CAST: variants seen among roughly 807,000 people sequenced by gnomAD.
CAST encodes calpastatin.
Under a neutral mutation model 119.6 loss-of-function variants are expected in CAST, and 76 were observed. That is an observed-to-expected ratio of 0.64 (90% CI 0.53 to 0.77). CAST has a LOEUF of 0.77. Among genes scored for constraint, CAST ranks in the 30% least tolerant of loss-of-function variants. The pLI is 0.00. For synonymous variants in CAST, 319 were observed against 331.6 expected (o/e 0.96, Z 0.41); for missense variants, 953 against 946.5 (o/e 1.01, Z -0.09).
At chr5:96,539,711 A>G (rs1745879600) in intron 1 of CAST, among the ~76,000 whole-genome samples, 1 of 152,164 alleles carries the variant, frequency 6.6e-6, no homozygotes, top group African/African-American at 2.4e-5. Context: ...TGTATCAATA[A>G]TAAATAAATA....
chr5:96,314,756 C>T, the CAST span, among the ~76,000 whole-genome samples: 1 of 152,158 alleles, frequency 6.6e-6, no homozygotes. Flanking sequence ...TCTGTGATAA[C>T]CTGTTCACAT....
chr5:96,474,856 G>A, the CAST span, among the ~76,000 whole-genome samples: 1 of 152,184 alleles, frequency 6.6e-6, no homozygotes, highest in East Asian at 1.9e-4. Context: ...TTTGAATAAT[G>A]AGATGGTGTC....
chr5:96,446,715 A>C, the CAST span, among the ~76,000 whole-genome samples: 1 of 152,218 alleles, frequency 6.6e-6, no homozygotes, highest in African/African-American at 2.4e-5. Flanking sequence ...GCCCAAAGGA[A>C]GTCAGGCATA....
chr5:96,753,984 CT>C (rs1423606672), intron 20 of CAST, 75 bp from the exon 21 acceptor site: 82 of 819,854 alleles, frequency 1.0e-4, no homozygotes, highest in Non-Finnish European at 1.6e-4. Flanking sequence ...AATGATATGC[CT>C]TTCTGAATTG....
intron 20 of CAST, among the ~76,000 whole-genome samples, chr5:96,753,059 T>C (rs1765492360): frequency 6.6e-6 from 1 of 151,818 alleles, no homozygotes; most frequent in African/African-American, 2.4e-5. Flanking sequence ...AATGGCATGA[T>C]CTCGGCTCAC....
chr5:96,274,918 C>A, the CAST span, among the ~76,000 whole-genome samples: 2,446 of 152,294 alleles, frequency 0.016, 74 homozygotes, highest in African/African-American at 0.057. Flanking sequence ...ACCTCCAGAT[C>A]TGCTTGCCTA....
At position 96,736,170 on chromosome 5, in the gene CAST, A is replaced by C. The variant is rs1180377034; in HGVS notation, c.631-2A>C. 4.4e-6 allele frequency: 7 copies of C among 1,604,900 alleles called. No homozygotes were observed. Among genetic ancestry groups the C allele is most frequent in the Non-Finnish European group, 6.0e-6 (7 of 1,173,850 alleles). ...AGTTGTTAATTTCTCAATTCTCACC[A>C]GAAAAAAGAAAAGAAATCATTAACC... On this transcript the variant is annotated splice_acceptor_variant, in intron 9 of 31. Coordinates refer to ENST00000675179, the MANE Select transcript of CAST (RefSeq NM_001750.7). LOFTEE classifies it high-confidence loss of function.
At chr5:96,618,581 G>A (rs1386490352) in intron 1 of CAST, among the ~76,000 whole-genome samples, 9 of 152,262 alleles carry the variant, frequency 5.9e-5, no homozygotes, top group African/African-American at 1.4e-4. Flanking sequence ...AGGTGGTTGC[G>A]GGCTTGGCAG....
chr5:96,473,807 T>C, the CAST span, among the ~76,000 whole-genome samples: 1 of 152,154 alleles, frequency 6.6e-6, no homozygotes, highest in African/African-American at 2.4e-5. Context: ...GTTCTGTTAG[T>C]AAAGCAGAAG....
chr5:95,982,172 C>T, the CAST span, among the ~76,000 whole-genome samples: 64 of 151,426 alleles, frequency 4.2e-4, no homozygotes, highest in Middle Eastern at 3.4e-3. Flanking sequence ...AATATGTAAT[C>T]GAACTGTAAT....
chr5:96,717,186 C>T (rs866139959), intron 3 of CAST, among the ~76,000 whole-genome samples: 2 of 152,098 alleles, frequency 1.3e-5, no homozygotes, highest in East Asian at 1.9e-4. Context: ...ATAGCTTCAT[C>T]GATAAGACAT....
Position 96,762,272 on chromosome 5 carries a change from A to G in CAST, c.1834-2A>G, listed in dbSNP as rs746507049. On this transcript the variant is annotated splice_acceptor_variant, in intron 24 of 31. Transcript: ENST00000675179. LOFTEE classifies it high-confidence loss of function. ...TACTAATAAAATTTTTTTCAATAAA[A>G]GAAATTTGAAGATGCTAAACTTGCT... The G allele has an allele frequency of 5.6e-6, 9 of 1,596,986 alleles. No individual in the cohort carries two copies. In the African/African-American group the frequency reaches 8.1e-5, roughly 14 times the overall value.
At chr5:96,643,804 C>A (rs895650015) in intron 1 of CAST, among the ~76,000 whole-genome samples, 2 of 152,092 alleles carry the variant, frequency 1.3e-5, no homozygotes, top group African/African-American at 4.8e-5. Context: ...ACCTTGGAGG[C>A]CGAGATTGCA....
chr5:96,759,699 GA>G (rs57011940), intron 24 of CAST, among the ~76,000 whole-genome samples: 14 of 150,764 alleles, frequency 9.3e-5, no homozygotes, highest in African/African-American at 2.7e-4. Context: ...TATAAAAGAG[GA>G]AAAAAAACCT....
the CAST span, among the ~76,000 whole-genome samples, chr5:96,262,686 C>T: frequency 1.3e-4 from 20 of 152,170 alleles, no homozygotes; most frequent in South Asian, 4.1e-4. Context: ...CCTGCCACCA[C>T]GCCCGGCTAA....
chr5:96,067,364 A>G, the CAST span, among the ~76,000 whole-genome samples: 1 of 152,196 alleles, frequency 6.6e-6, no homozygotes, highest in Non-Finnish European at 1.5e-5. Flanking sequence ...TGCAATGTGG[A>G]TATGGCTCAT....
chr5:96,108,498 C>T, the CAST span, among the ~76,000 whole-genome samples: 1 of 152,214 alleles, frequency 6.6e-6, no homozygotes, highest in African/African-American at 2.4e-5. Context: ...AGGTGTCAGT[C>T]TGCCCCTGCT....
the CAST span, among the ~76,000 whole-genome samples, chr5:96,191,718 C>T: frequency 5.3e-5 from 8 of 152,134 alleles, no homozygotes; most frequent in Non-Finnish European, 7.4e-5. Context: ...TGCAGGCGCA[C>T]GCCACCACAC....
chr5:96,315,147 T>G, the CAST span, among the ~76,000 whole-genome samples: 1 of 152,210 alleles, frequency 6.6e-6, no homozygotes, highest in African/African-American at 2.4e-5. Flanking sequence ...ATTGTTAAAC[T>G]GTGATACGGG....
Sources: allele counts gnomAD v4.1 joint callset (sites outside exome capture counted in the v4.1 genomes callset), GRCh38; gene constraint gnomAD v4.1.1; transcripts MANE v1.5; gene names NCBI Gene and HGNC (gene_info 2026-07-23, HGNC 2026-07-21).